Variants in TMEM108 observed in about 807,000 individuals in gnomAD.
The protein encoded by TMEM108 is transmembrane protein 108.
Under a neutral mutation model 35.1 loss-of-function variants are expected in TMEM108, and 12 were observed. The ratio of observed to expected loss-of-function variants is 0.34; its 90% confidence interval spans 0.22 to 0.55. TMEM108 has a LOEUF of 0.55. Among genes scored for constraint, TMEM108 ranks in the 20% least tolerant of loss-of-function variants. TMEM108 has a pLI of 0.89. For missense variants in TMEM108, 680 were observed against 753.3 expected (o/e 0.90, Z 1.14); for synonymous variants, 287 against 308.6 (o/e 0.93, Z 0.73).
At chr3:133,040,244 C>G (rs1943258752) in intron 1 of TMEM108, among the ~76,000 whole-genome samples, 1 of 145,024 alleles carries the variant, frequency 6.9e-6, no homozygotes, top group Non-Finnish European at 1.5e-5. Context: ...CCGTCTGTCA[C>G]CCAGGCTGGA....
At chr3:133,255,769 A>G (rs1188110013) in intron 3 of TMEM108, among the ~76,000 whole-genome samples, 1 of 152,184 alleles carries the variant, frequency 6.6e-6, no homozygotes, top group Non-Finnish European at 1.5e-5. Context: ...TGGATAGATC[A>G]CCTGAGGTCA....
chr3:133,308,941 A>G (rs1209049649), intron 3 of TMEM108, among the ~76,000 whole-genome samples: 1 of 152,220 alleles, frequency 6.6e-6, no homozygotes, highest in East Asian at 1.9e-4. Flanking sequence ...GAATGGTACC[A>G]GCTCCTCTTT....
chr3:133,305,801 A>G (rs1032933410), intron 3 of TMEM108, among the ~76,000 whole-genome samples: 2 of 152,084 alleles, frequency 1.3e-5, no homozygotes, highest in African/African-American at 2.4e-5. Context: ...AGTGATATTC[A>G]TTATGGTTTT....
intron 2 of TMEM108, among the ~76,000 whole-genome samples, chr3:133,204,549 T>G (rs1945722282): frequency 6.6e-6 from 1 of 152,214 alleles, no homozygotes; most frequent in Non-Finnish European, 1.5e-5. Flanking sequence ...TACCTTAAAT[T>G]TGTTATTTAC....
At chr3:133,134,743 C>A (rs1944540433) in intron 2 of TMEM108, among the ~76,000 whole-genome samples, 1 of 152,122 alleles carries the variant, frequency 6.6e-6, no homozygotes, top group Non-Finnish European at 1.5e-5. Flanking sequence ...GTGCATTGTA[C>A]TCAGCAGGTA....
chr3:133,367,085 C>T (rs2072521409), intron 3 of TMEM108, among the ~76,000 whole-genome samples: 1 of 152,192 alleles, frequency 6.6e-6, no homozygotes, highest in African/African-American at 2.4e-5. Flanking sequence ...GCTTCAGTCC[C>T]CTGTACAGCC....
intron 2 of TMEM108, among the ~76,000 whole-genome samples, chr3:133,222,841 T>A (rs1383006477): frequency 6.6e-6 from 1 of 152,098 alleles, no homozygotes; most frequent in East Asian, 1.9e-4. Context: ...CATACAATTA[T>A]TTGTACTTTT....
chr3:133,272,968 G>C (rs2370051), intron 3 of TMEM108, among the ~76,000 whole-genome samples: 51,260 of 152,060 alleles, frequency 0.34, 9,050 homozygotes, highest in East Asian at 0.48. Context: ...AACAGCGTCC[G>C]CATTGATAAC....
intron 3 of TMEM108, among the ~76,000 whole-genome samples, chr3:133,347,087 T>C (rs1339880391): frequency 1.3e-5 from 2 of 152,152 alleles, no homozygotes; most frequent in Non-Finnish European, 2.9e-5. Flanking sequence ...CTTTCAATTT[T>C]GTTCTCCTTC....
intron 3 of TMEM108, among the ~76,000 whole-genome samples, chr3:133,353,794 G>T (rs962685402): frequency 6.6e-6 from 1 of 152,180 alleles, no homozygotes; most frequent in African/African-American, 2.4e-5. Context: ...CCCAATCTTT[G>T]TTCAGGCTCT....
intron 3 of TMEM108, among the ~76,000 whole-genome samples, chr3:133,268,676 AAAT>A (rs1203056276): frequency 6.6e-6 from 1 of 152,218 alleles, no homozygotes; most frequent in Non-Finnish European, 1.5e-5. Context: ...CCATGTAAAT[AAAT>A]GTTGCCAGCA....
intron 3 of TMEM108, among the ~76,000 whole-genome samples, chr3:133,258,454 C>A (rs1053445170): frequency 6.6e-6 from 1 of 152,200 alleles, no homozygotes; most frequent in African/African-American, 2.4e-5. Context: ...GCTGCCCACA[C>A]CACCTCGCTT....
chr3:133,089,348 T>C (rs910173988), intron 2 of TMEM108, among the ~76,000 whole-genome samples: 2 of 152,222 alleles, frequency 1.3e-5, no homozygotes, highest in Non-Finnish European at 2.9e-5. Flanking sequence ...TCGGTGCCTT[T>C]TCTATAATTT....
intron 3 of TMEM108, among the ~76,000 whole-genome samples, chr3:133,306,510 TC>T (rs1342684126): frequency 6.6e-6 from 1 of 152,090 alleles, no homozygotes. Context: ...ATGTTATCCC[TC>T]CCCCAGCCCC....
At chr3:133,201,527 A>G (rs182130687) in intron 2 of TMEM108, among the ~76,000 whole-genome samples, 5 of 148,410 alleles carry the variant, frequency 3.4e-5, no homozygotes, top group African/African-American at 5.0e-5. Flanking sequence ...TTCAACCCCT[A>G]TTTATGAGTG....
In TMEM108 at chr3:133,119,423, G is replaced by C. The variant is rs146161412; in HGVS notation, c.-47+73403G>C. 351 of 152,282 alleles carry C rather than the reference G, an allele frequency of 2.3e-3. 4 individuals are homozygous for C. The highest frequency in any genetic ancestry group is 7.9e-3 in the African/African-American group (330 of 41,556). 9.4% of individuals were successfully genotyped at this position (152,282 alleles called of 1,614,324 possible). A position where few individuals can be genotyped will look rare whatever the true frequency, so the allele number is the denominator to read the frequency against. On this transcript the variant is annotated intron_variant, in intron 2 of 5. Transcript: ENST00000321871. Reference sequence around the variant, plus strand: ...ATAAATCCAGATGTAGTTGGCTGCAGTCATCTGACAGAACCCTGATTCTCT... The same window carrying C: ...ATAAATCCAGATGTAGTTGGCTGCACTCATCTGACAGAACCCTGATTCTCT...
At chr3:133,288,515 C>T (rs1947016859) in intron 3 of TMEM108, among the ~76,000 whole-genome samples, 1 of 152,086 alleles carries the variant, frequency 6.6e-6, no homozygotes, top group Admixed American at 6.6e-5. Flanking sequence ...TGCTCAAATA[C>T]GCTAGTGGTA....
chr3:133,176,769 A>G (rs1214523771), intron 2 of TMEM108, among the ~76,000 whole-genome samples: 1 of 152,208 alleles, frequency 6.6e-6, no homozygotes, highest in Non-Finnish European at 1.5e-5. Context: ...GAGAAGCAAG[A>G]GCAAACACAT....
intron 2 of TMEM108, chr3:133,119,438 C>G (rs557739335): frequency 7.2e-5 from 11 of 152,206 alleles, no homozygotes; most frequent in African/African-American, 2.4e-4. Context: ...CTGACAGAAC[C>G]CTGATTCTCT....
Sources: gnomAD v4.1 joint callset for allele counts (sites outside exome capture counted in the v4.1 genomes callset) on GRCh38, gnomAD v4.1.1 for gene constraint, MANE v1.5 for transcripts, NCBI Gene and HGNC (gene_info 2026-07-23, HGNC 2026-07-21) for gene names.